ABI2: variants seen among roughly 807,000 people sequenced by gnomAD.
ABI2 encodes the protein abelson interactor 2.
A neutral mutation model predicts 59.2 loss-of-function variants in ABI2; 25 were observed. The observed-to-expected ratio is 0.42, with a 90% CI of 0.31 to 0.59. The LOEUF is 0.59. ABI2 is among the 20% of genes least tolerant of loss of function. The probability of loss-of-function intolerance (pLI) is 0.14; values close to 1 mark genes in which losing one functional copy is unlikely to be tolerated. For synonymous variants in ABI2, 213 were observed against 235.5 expected (o/e 0.90, Z 0.87); for missense variants, 545 against 681.8 (o/e 0.80, Z 2.23).
chr2:203,358,071 TTGTGTGTG>T lies in ABI2; in HGVS notation c.118-8770_118-8763del, dbSNP rs71007506. On this transcript the variant is annotated intron_variant, in intron 1 of 11. Coordinates refer to ENST00000261018, the MANE Select transcript of ABI2 (RefSeq NM_001375670.1). Reference sequence around the variant, plus strand: ...CCATGAGCCACTGTGCCTGGCCTGTTTGTGTGTGTGTGTGTGTGTGTGTGTGTGTGTGT... The same window carrying T: ...CCATGAGCCACTGTGCCTGGCCTGTTTGTGTGTGTGTGTGTGTGTGTGTGT... 4.0e-3 allele frequency among the ~76,000 whole-genome samples: 516 copies of T among 128,846 alleles called. 2 individuals carry two copies. The highest frequency in any genetic ancestry group is 0.01 in the African/African-American group (335 of 32,786). The allele number at this position is 128,846 out of a possible 152,430, so 84.5% of individuals were successfully genotyped here. A position where few individuals can be genotyped will look rare whatever the true frequency, so the allele number is the denominator to read the frequency against.
chr2:203,406,238 T>C (rs1434593621), intron 9 of ABI2, among the ~76,000 whole-genome samples: 1 of 152,236 alleles, frequency 6.6e-6, no homozygotes, highest in Non-Finnish European at 1.5e-5. Context: ...TGTGTACATA[T>C]ACTTACATAA....
chr2:203,412,086 A>C (rs1191753005), intron 10 of ABI2, among the ~76,000 whole-genome samples: 3 of 152,192 alleles, frequency 2.0e-5, no homozygotes, highest in African/African-American at 4.8e-5. Context: ...AACTAGGAGA[A>C]TGATATTAAA....
intron 1 of ABI2, among the ~76,000 whole-genome samples, chr2:203,333,966 A>T (rs1044386881): frequency 1.5e-5 from 2 of 137,454 alleles, no homozygotes; most frequent in East Asian, 2.1e-4. Flanking sequence ...TTTGAGATGG[A>T]GTCTCACTCC....
intron 2 of ABI2, chr2:203,376,018 G>GT (rs888040186): frequency 8.5e-6 from 12 of 1,404,040 alleles, no homozygotes; most frequent in African/African-American, 2.9e-5. Flanking sequence ...TATTATAGAT[G>GT]TTTTTTAAAA....
intron 10 of ABI2, among the ~76,000 whole-genome samples, chr2:203,413,133 A>G (rs1469481149): frequency 6.6e-6 from 1 of 152,230 alleles, no homozygotes; most frequent in Non-Finnish European, 1.5e-5. Context: ...AGATGTTGTC[A>G]TTCATTTTGA....
At chr2:203,384,304 T>TG (rs1310602435) in intron 4 of ABI2, among the ~76,000 whole-genome samples, 76 of 144,862 alleles carry the variant, frequency 5.2e-4, no homozygotes, top group African/African-American at 1.3e-3. Flanking sequence ...TTTTTTTTTT[T>TG]TTTTTTTTTT....
chr2:203,352,344 T>C (rs1174801743), intron 1 of ABI2, among the ~76,000 whole-genome samples: 1 of 152,138 alleles, frequency 6.6e-6, no homozygotes, highest in Non-Finnish European at 1.5e-5. Flanking sequence ...CTCCTACTTA[T>C]TAAAAAAAAG....
At chr2:203,368,495 G>C (rs1380787773) in intron 2 of ABI2, among the ~76,000 whole-genome samples, 1 of 152,074 alleles carries the variant, frequency 6.6e-6, no homozygotes, top group Non-Finnish European at 1.5e-5. Context: ...ATCTTTGAGA[G>C]TCTAAAGTTT....
At chr2:203,345,317 C>G (rs549632920) in intron 1 of ABI2, among the ~76,000 whole-genome samples, 9 of 152,182 alleles carry the variant, frequency 5.9e-5, no homozygotes, top group Non-Finnish European at 8.8e-5. Flanking sequence ...CAGGAACCCA[C>G]TGGAAGGAAG....
At chr2:203,392,303 C>CACCACCACT (rs2096780208) in intron 5 of ABI2, among the ~76,000 whole-genome samples, 1 of 97,978 alleles carries the variant, frequency 1.0e-5, no homozygotes, top group African/African-American at 3.8e-5. Flanking sequence ...CCACCACCAC[C>CACCACCACT]ACCACCACCA....
chr2:203,372,003 A>G (rs949557973), intron 2 of ABI2, among the ~76,000 whole-genome samples: 7 of 151,660 alleles, frequency 4.6e-5, no homozygotes, highest in African/African-American at 1.7e-4. Context: ...TCATAGGATA[A>G]TAGTGGAGGG....
chr2:203,368,712 A>C (rs2094754072), intron 2 of ABI2, among the ~76,000 whole-genome samples: 1 of 152,160 alleles, frequency 6.6e-6, no homozygotes, highest in Admixed American at 6.5e-5. Context: ...GTGTATCTTA[A>C]GTTAAAAAAA....
Position 203,416,895 on chromosome 2 carries a change from G to C in ABI2, c.1280-13G>C. 6.2e-7 allele frequency: 1 copy of C among 1,604,562 alleles called. No individual in the cohort carries two copies. The highest frequency in any genetic ancestry group is 8.5e-7 in the Non-Finnish European group (1 of 1,175,002). The stretch of plus-strand genomic sequence containing the variant: ...TAACATATAGTTTTGTTGTCAGCCT[G>C]ATACGTTCTTAGTTTCAGATACACC... On this transcript the variant is annotated splice_polypyrimidine_tract_variant and intron_variant, in intron 10 of 11. Transcript: ENST00000261018.
intron 1 of ABI2, among the ~76,000 whole-genome samples, chr2:203,332,426 A>C (rs1294202594): frequency 6.6e-6 from 1 of 152,072 alleles, no homozygotes; most frequent in South Asian, 2.1e-4. Context: ...GGAGATCCAG[A>C]CCATCCTGGC....
chr2:203,347,124 T>G (rs1319770836), intron 1 of ABI2, among the ~76,000 whole-genome samples: 3 of 152,184 alleles, frequency 2.0e-5, no homozygotes, highest in Non-Finnish European at 4.4e-5. Flanking sequence ...TGTTTTGTAG[T>G]TGGTTTTATT....
In ABI2 at chr2:203,366,999, A is replaced by G. The variant is rs2094508226; in HGVS notation, c.240A>G (p.Ala80=). ...NNVLQMLDIQ[A]SQLRRMESSI... ...TCCTGCAGATGCTGGATATCCAGGC[A>G]TCCCAGCTACGAAGGATGGAATCTT... Residue 80 remains alanine (A), a synonymous_variant, in exon 2 of 12, where the codon GCA becomes GCG. Transcript: ENST00000261018. 1.2e-6 allele frequency: 2 copies of G among 1,613,902 alleles called. No homozygotes were observed. The highest frequency in any genetic ancestry group is 3.3e-5 in the Admixed American group (2 of 59,982).
intron 4 of ABI2, among the ~76,000 whole-genome samples, chr2:203,385,569 TGA>T (rs749782829): frequency 1.3e-5 from 2 of 152,250 alleles, no homozygotes; most frequent in Non-Finnish European, 2.9e-5. Flanking sequence ...TGTTTTCACT[TGA>T]GTACTATTTT....
At chr2:203,356,196 T>G (rs893422459) in intron 1 of ABI2, among the ~76,000 whole-genome samples, 1 of 152,004 alleles carries the variant, frequency 6.6e-6, no homozygotes, top group Non-Finnish European at 1.5e-5. Context: ...AATTAACTTG[T>G]GTTTTTTTTG....
At chr2:203,382,291 G>C in intron 4 of ABI2, 85 bp downstream of exon 4, 1 of 1,201,330 alleles carries the variant, frequency 8.3e-7, no homozygotes, top group South Asian at 1.5e-5. Context: ...GTTAACTCTT[G>C]GCCTTTTAAA....
Sources: gnomAD v4.1 joint callset for allele counts (sites outside exome capture counted in the v4.1 genomes callset) on GRCh38, gnomAD v4.1.1 for gene constraint, MANE v1.5 for transcripts, NCBI Gene and HGNC (gene_info 2026-07-23, HGNC 2026-07-21) for gene names.